HECW2: variants seen among roughly 807,000 people sequenced by gnomAD.
HECW2 encodes the protein HECT, C2 and WW domain containing E3 ubiquitin protein ligase 2.
HECW2 carries 61 observed loss-of-function variants against 175.2 expected under a neutral mutation model. The observed-to-expected ratio is 0.35, with a 90% CI of 0.28 to 0.43. HECW2 has a LOEUF of 0.43. Ranked by LOEUF, HECW2 falls within the 20% of genes least tolerant of loss-of-function variation. HECW2 has a pLI of 1.00. For synonymous variants in HECW2, 671 were observed against 731.0 expected, an observed-to-expected ratio of 0.92 and a Z score of 1.32; for missense variants, 1,524 against 2,000.5, an observed-to-expected ratio of 0.76 and a Z score of 4.54.
At chr2:196,394,314 GA>G (rs1162234000) in intron 2 of HECW2, among the ~76,000 whole-genome samples, 1 of 152,030 alleles carries the variant, frequency 6.6e-6, no homozygotes, top group Non-Finnish European at 1.5e-5. Context: ...AAATAAAAAA[GA>G]AAAGAAAATG....
At chr2:196,410,445 G>T (rs1272296409) in intron 2 of HECW2, among the ~76,000 whole-genome samples, 1 of 152,260 alleles carries the variant, frequency 6.6e-6, no homozygotes, top group East Asian at 1.9e-4. Context: ...TCTAGAAAAT[G>T]ATCATATGTA....
At chr2:196,235,100 A>AT (rs35822849) in intron 21 of HECW2, among the ~76,000 whole-genome samples, 120,260 of 144,326 alleles carry the variant, frequency 0.83, 51,217 homozygotes, top group Non-Finnish European at 0.93. Context: ...TTATTTTTGT[A>AT]TTTTTTTTTT....
intron 10 of HECW2, among the ~76,000 whole-genome samples, chr2:196,313,242 G>A (rs1221945775): frequency 6.6e-6 from 1 of 152,164 alleles, no homozygotes; most frequent in Non-Finnish European, 1.5e-5. Flanking sequence ...CTGGGCTGGC[G>A]ATTGTTTTTT....
rs141983044 is a variant in HECW2 at position 196,507,376 on chromosome 2, TG to T, written c.-35-73919del. On this transcript the variant is annotated intron_variant, in intron 1 of 28. Coordinates refer to ENST00000644978, the MANE Select transcript of HECW2 (RefSeq NM_001348768.2). ...CATGACCAAAGTCTTAGAACTCATA[TG>T]TTTAGAGCAGTGGTTCTCAGCTGGG... Among the ~76,000 whole-genome samples, 49 of 152,354 alleles carry T rather than the reference TG, an allele frequency of 3.2e-4. No homozygotes were observed. The East Asian group carries it at 9.1e-3, about 28-fold the overall frequency.
chr2:196,498,730 A>T (rs1441141223), intron 1 of HECW2, among the ~76,000 whole-genome samples: 2 of 151,990 alleles, frequency 1.3e-5, no homozygotes, highest in African/African-American at 4.8e-5. Context: ...GTATAGTTAA[A>T]CTCTAACCAG....
intron 1 of HECW2, among the ~76,000 whole-genome samples, chr2:196,574,435 G>C (rs1383320840): frequency 7.4e-6 from 1 of 135,052 alleles, no homozygotes; most frequent in Admixed American, 7.4e-5. Flanking sequence ...GTCTCAAGAA[G>C]AAAAAAAAAA....
At chr2:196,442,027 T>C (rs1293840480) in intron 1 of HECW2, among the ~76,000 whole-genome samples, 1 of 152,124 alleles carries the variant, frequency 6.6e-6, no homozygotes, top group Non-Finnish European at 1.5e-5. Context: ...TGTACACAAA[T>C]AGAAATAATT....
At chr2:196,373,838 C>T (rs1014788497) in intron 2 of HECW2, among the ~76,000 whole-genome samples, 5 of 151,928 alleles carry the variant, frequency 3.3e-5, no homozygotes, top group African/African-American at 1.2e-4. Context: ...CGAGACCATC[C>T]CGGCTAAAAC....
intron 19 of HECW2, among the ~76,000 whole-genome samples, chr2:196,246,541 C>T (rs569752675): frequency 1.2e-3 from 181 of 147,394 alleles, no homozygotes; most frequent in African/African-American, 4.1e-3. Flanking sequence ...TCTGCCACCA[C>T]GCCCGGCTAA....
chr2:196,523,436 C>G (rs1213299316), intron 1 of HECW2, among the ~76,000 whole-genome samples: 1 of 151,902 alleles, frequency 6.6e-6, no homozygotes, highest in Non-Finnish European at 1.5e-5. Flanking sequence ...GATAATTTGA[C>G]TTCCTCTTTT....
At chr2:196,458,496 C>G (rs13419792) in intron 1 of HECW2, among the ~76,000 whole-genome samples, 32,889 of 151,692 alleles carry the variant, frequency 0.22, 4,093 homozygotes, top group African/African-American at 0.34. Context: ...TATGTGACTT[C>G]GCATTACTAG....
chr2:196,572,147 G>A (rs892165393), intron 1 of HECW2, among the ~76,000 whole-genome samples: 5 of 152,128 alleles, frequency 3.3e-5, no homozygotes, highest in African/African-American at 1.2e-4. Context: ...GAGGGACACA[G>A]GGAGTTTTGT....
chr2:196,326,896 A>G (rs915978658), intron 5 of HECW2, among the ~76,000 whole-genome samples: 2 of 152,182 alleles, frequency 1.3e-5, no homozygotes, highest in East Asian at 1.9e-4. Context: ...CTATGTACTC[A>G]TTATTAAATG....
At chr2:196,513,247 A>G (rs1688019196) in intron 1 of HECW2, among the ~76,000 whole-genome samples, 1 of 152,236 alleles carries the variant, frequency 6.6e-6, no homozygotes, top group South Asian at 2.1e-4. Context: ...ACAAGAATCC[A>G]TATAAAAAGT....
chr2:196,356,801 C>A (rs1418800326), intron 2 of HECW2, among the ~76,000 whole-genome samples: 1 of 152,092 alleles, frequency 6.6e-6, no homozygotes, highest in African/African-American at 2.4e-5. Flanking sequence ...TCTTACTGTG[C>A]CTAATTTATA....
chr2:196,441,286 G>C (rs571781499), intron 1 of HECW2, among the ~76,000 whole-genome samples: 40 of 152,174 alleles, frequency 2.6e-4, no homozygotes, highest in Non-Finnish European at 4.7e-4. Flanking sequence ...TAACTTCCTA[G>C]AGTTGGCATT....
chr2:196,251,336 T>C (rs1688846196), intron 19 of HECW2, among the ~76,000 whole-genome samples: 2 of 152,234 alleles, frequency 1.3e-5, no homozygotes, highest in Admixed American at 6.5e-5. Context: ...AGGTTTCTCA[T>C]GACATCATCC....
intron 1 of HECW2, among the ~76,000 whole-genome samples, chr2:196,438,838 T>G (rs564704609): frequency 7.5e-4 from 114 of 152,304 alleles, no homozygotes; most frequent in African/African-American, 2.6e-3. Context: ...TCAGAAACTT[T>G]TTATAACTCT....
At chr2:196,273,994 G>A (rs779164857) in intron 16 of HECW2, 27 bp downstream of exon 16, 6 of 1,494,990 alleles carry the variant, frequency 4.0e-6, no homozygotes, top group Admixed American at 1.7e-5. Context: ...CAAAAGGACA[G>A]ATGATTTCTG....
Sources: allele counts gnomAD v4.1 joint callset (sites outside exome capture counted in the v4.1 genomes callset), GRCh38; gene constraint gnomAD v4.1.1; transcripts MANE v1.5; gene names NCBI Gene and HGNC (gene_info 2026-07-23, HGNC 2026-07-21).